DTD1: variants seen among roughly 807,000 people sequenced by gnomAD.
The protein encoded by DTD1 is D-tyrosyl-tRNA deacylase 1 homolog.
DTD1 carries 13 observed loss-of-function variants against 25.6 expected under a neutral mutation model. That is an observed-to-expected ratio of 0.51 (90% CI 0.33 to 0.81). The LOEUF (loss-of-function observed/expected upper bound fraction) is 0.81. DTD1 is among the 30% of genes least tolerant of loss of function. The pLI is 0.02. For missense variants in DTD1, 193 were observed against 266.4 expected (o/e 0.72, Z 1.92); for synonymous variants, 110 against 103.6 (o/e 1.06, Z -0.37).
At chr20:18,606,902 A>T (rs532064817) in intron 3 of DTD1, among the ~76,000 whole-genome samples, 7 of 151,070 alleles carry the variant, frequency 4.6e-5, no homozygotes, top group African/African-American at 1.7e-4. Flanking sequence ...CAATGTGCAC[A>T]TGTACCCTAA....
At chr20:18,647,320 G>C (rs1387698871) in intron 4 of DTD1, among the ~76,000 whole-genome samples, 3 of 152,118 alleles carry the variant, frequency 2.0e-5, no homozygotes, top group Non-Finnish European at 4.4e-5. Flanking sequence ...AGAGTGATAA[G>C]CCATGGTTTT....
intron 4 of DTD1, among the ~76,000 whole-genome samples, chr20:18,671,163 C>T (rs1453228932): frequency 1.3e-5 from 2 of 152,224 alleles, no homozygotes; most frequent in African/African-American, 4.8e-5. Context: ...ATGACATTCT[C>T]ATGTAAGGGG....
At chr20:18,748,184 C>T (rs2061308168) in intron 5 of DTD1, among the ~76,000 whole-genome samples, 1 of 152,074 alleles carries the variant, frequency 6.6e-6, no homozygotes, top group African/African-American at 2.4e-5. Context: ...TACACACACA[C>T]ACACACACAC....
At chr20:18,639,052 T>C (rs1026603309) in intron 4 of DTD1, among the ~76,000 whole-genome samples, 1 of 152,074 alleles carries the variant, frequency 6.6e-6, no homozygotes, top group Non-Finnish European at 1.5e-5. Context: ...AGGGATTCCA[T>C]GGCATGAGTT....
chr20:18,661,496 T>C (rs562472156), intron 4 of DTD1, among the ~76,000 whole-genome samples: 19 of 151,112 alleles, frequency 1.3e-4, no homozygotes, highest in East Asian at 1.2e-3. Flanking sequence ...CTCAGCCTCC[T>C]GAGTAGCTGG....
intron 4 of DTD1, among the ~76,000 whole-genome samples, chr20:18,668,588 T>A (rs1401587317): frequency 6.6e-6 from 1 of 152,118 alleles, no homozygotes; most frequent in African/African-American, 2.4e-5. Context: ...ATCCTGAGTG[T>A]GAGAGCTCCT....
chr20:18,744,263 A>G lies in DTD1; in HGVS notation c.*11A>G. On this transcript the variant is annotated 3_prime_UTR_variant, in exon 5 of 6. Transcript: ENST00000377452. ...GAACGGGAGCCGTAGCTCAGGAGGC[A>G]GAATTCAGGTAGGAGTTTCCCTGCT... 2 of 1,611,218 alleles carry G rather than the reference A, an allele frequency of 1.2e-6. No homozygotes were observed. The highest frequency in any genetic ancestry group is 1.7e-6 in the Non-Finnish European group (2 of 1,179,744).
intron 4 of DTD1, among the ~76,000 whole-genome samples, chr20:18,651,289 T>A (rs958218076): frequency 6.6e-6 from 1 of 152,158 alleles, no homozygotes; most frequent in Non-Finnish European, 1.5e-5. Flanking sequence ...GTAGCTGGGA[T>A]TATAGGCATA....
intron 3 of DTD1, among the ~76,000 whole-genome samples, chr20:18,610,224 T>C (rs1481815081): frequency 6.6e-6 from 1 of 152,222 alleles, no homozygotes; most frequent in Non-Finnish European, 1.5e-5. Flanking sequence ...GGATAGTTTA[T>C]TATTATTGGG....
chr20:18,735,797 A>G (rs761586142), intron 4 of DTD1, among the ~76,000 whole-genome samples: 2 of 152,132 alleles, frequency 1.3e-5, no homozygotes, highest in Non-Finnish European at 2.9e-5. Flanking sequence ...ATTTTTCACC[A>G]TCATTCCCCA....
chr20:18,628,665 A>G (rs2057075803), intron 4 of DTD1, among the ~76,000 whole-genome samples: 1 of 152,208 alleles, frequency 6.6e-6, no homozygotes. Flanking sequence ...ATTTTTCTAA[A>G]GCAGTGTCTG....
intron 4 of DTD1, among the ~76,000 whole-genome samples, chr20:18,742,160 C>A (rs2061280837): frequency 6.6e-6 from 1 of 152,088 alleles, no homozygotes; most frequent in Admixed American, 6.5e-5. Flanking sequence ...TAGGTTTTTG[C>A]AAATACAAAT....
intron 4 of DTD1, among the ~76,000 whole-genome samples, chr20:18,711,919 T>C (rs1217709564): frequency 2.1e-5 from 3 of 146,192 alleles, no homozygotes; most frequent in Non-Finnish European, 4.5e-5. Flanking sequence ...GGGGTGGGGG[T>C]TGCCGGGGGT....
At chr20:18,752,557 C>G (rs563574918) in intron 5 of DTD1, among the ~76,000 whole-genome samples, 2 of 152,116 alleles carry the variant, frequency 1.3e-5, no homozygotes, top group Non-Finnish European at 2.9e-5. Flanking sequence ...GTTTCCGTCT[C>G]TCTGCTTACA....
intron 4 of DTD1, among the ~76,000 whole-genome samples, chr20:18,696,335 C>G (rs536770969): frequency 4.6e-5 from 7 of 152,206 alleles, no homozygotes; most frequent in African/African-American, 1.7e-4. Flanking sequence ...AGGGCCTTGC[C>G]AAGACCAGGA....
intron 4 of DTD1, among the ~76,000 whole-genome samples, chr20:18,657,206 C>T (rs1238131165): frequency 6.6e-6 from 1 of 152,200 alleles, no homozygotes; most frequent in Non-Finnish European, 1.5e-5. Context: ...GGACCCCTTA[C>T]TCAACAAATG....
At chr20:18,675,105 G>T (rs1038316489) in intron 4 of DTD1, 3 of 152,204 alleles carry the variant, frequency 2.0e-5, no homozygotes, top group Non-Finnish European at 4.4e-5. Flanking sequence ...AGGCAGGAGC[G>T]CCTACTTCCA....
chr20:18,686,215 T>G (rs1172063472), intron 4 of DTD1, among the ~76,000 whole-genome samples: 1 of 152,280 alleles, frequency 6.6e-6, no homozygotes, highest in African/African-American at 2.4e-5. Flanking sequence ...AAACAGATTT[T>G]ATAAACATTT....
At chr20:18,746,648 T>A (rs1255373084) in intron 5 of DTD1, among the ~76,000 whole-genome samples, 1 of 152,208 alleles carries the variant, frequency 6.6e-6, no homozygotes, top group African/African-American at 2.4e-5. Flanking sequence ...TGAGCCATGA[T>A]TGCAGCACTG....
Sources: allele counts gnomAD v4.1 joint callset (sites outside exome capture counted in the v4.1 genomes callset), GRCh38; gene constraint gnomAD v4.1.1; transcripts MANE v1.5; gene names NCBI Gene and HGNC (gene_info 2026-07-23, HGNC 2026-07-21).